Variants in FSHR observed in about 807,000 individuals in gnomAD.
The protein encoded by FSHR is follicle stimulating hormone receptor.
A neutral mutation model predicts 52.1 loss-of-function variants in FSHR; 46 were observed. The ratio of observed to expected loss-of-function variants is 0.88; its 90% CI spans 0.70 to 1.13. The LOEUF is 1.13. Ranked by LOEUF, FSHR falls within the 50% of genes most tolerant of loss-of-function variation. The pLI is 0.00. For synonymous variants in FSHR, 399 were observed against 309.6 expected (o/e 1.29, Z -3.03); for missense variants, 964 against 834.6 (o/e 1.16, Z -1.91).
intron 3 of FSHR, 106 bp downstream of exon 3, chr2:49,019,980 A>G: frequency 1.1e-6 from 1 of 932,546 alleles, no homozygotes; most frequent in Non-Finnish European, 1.8e-6. Context: ...ATGACAATCT[A>G]GGGATCTGAG....
At chr2:49,050,235 A>C (rs1668805004) in intron 2 of FSHR, among the ~76,000 whole-genome samples, 1 of 152,180 alleles carries the variant, frequency 6.6e-6, no homozygotes, top group Non-Finnish European at 1.5e-5. Flanking sequence ...GGCTAAGTTA[A>C]TTTGCAACTT....
intron 1 of FSHR, among the ~76,000 whole-genome samples, chr2:49,130,911 G>A (rs1214850173): frequency 6.6e-6 from 1 of 152,120 alleles, no homozygotes. Context: ...TCAAACTACA[G>A]CAAAATAAAC....
At chr2:49,143,551 T>C (rs1039876299) in intron 1 of FSHR, among the ~76,000 whole-genome samples, 1 of 152,016 alleles carries the variant, frequency 6.6e-6, no homozygotes, top group African/African-American at 2.4e-5. Context: ...TGGGTAGAAA[T>C]GGCATATTAA....
At chr2:49,011,379 A>G (rs1035363546) in intron 4 of FSHR, among the ~76,000 whole-genome samples, 4 of 151,890 alleles carry the variant, frequency 2.6e-5, no homozygotes, top group Non-Finnish European at 5.9e-5. Flanking sequence ...TTTGATTGCA[A>G]TGTGGTCTGA....
At chr2:49,089,677 A>T (rs1458217344) in intron 1 of FSHR, among the ~76,000 whole-genome samples, 5 of 152,236 alleles carry the variant, frequency 3.3e-5, no homozygotes, top group African/African-American at 1.2e-4. Context: ...ATTTCTGGAA[A>T]ACAGTGATAT....
At chr2:48,976,916 T>G (rs1675015715) in intron 8 of FSHR, among the ~76,000 whole-genome samples, 1 of 152,130 alleles carries the variant, frequency 6.6e-6, no homozygotes, top group Non-Finnish European at 1.5e-5. Context: ...TATTTTGTTA[T>G]TCTCTTCCAA....
Position 49,110,153 on chromosome 2 carries a change from A to C in FSHR, c.153-41863T>G, listed in dbSNP as rs9309158. Among the ~76,000 whole-genome samples, 843 of 152,290 alleles carry C rather than the reference A, an allele frequency of 5.5e-3. 11 individuals carry two copies. Among genetic ancestry groups the C allele is most frequent in the African/African-American group, 0.019 (808 of 41,576 alleles). On this transcript the variant is annotated intron_variant, in intron 1 of 9. Transcript: ENST00000406846. ...TGTCATTACCCAGTGACAACAGCCA[A>C]CATTAACATGGTGCTTCCTATATGC...
chr2:49,142,671 G>GAT lies in FSHR; in HGVS notation c.152+11594_152+11595insAT, dbSNP rs1226717244. On this transcript the variant is annotated intron_variant, in intron 1 of 9. Transcript: ENST00000406846. The stretch of plus-strand genomic sequence containing the variant: ...TGAAATGCCTCTAGCTGCTGCATAG[G>GAT]GGATAGACTGTTAATTCAAGTGAAA... Among the ~76,000 whole-genome samples the GAT allele has an allele frequency of 5.9e-5, 9 of 152,162 alleles. 1 individual carries two copies. In the South Asian group the frequency reaches 1.7e-3, roughly 28 times the overall value.
chr2:49,057,713 T>C (rs1347775562), intron 2 of FSHR, among the ~76,000 whole-genome samples: 2 of 151,892 alleles, frequency 1.3e-5, no homozygotes, highest in African/African-American at 4.8e-5. Context: ...GACAAGGACA[T>C]AGCAAAAAAA....
intron 8 of FSHR, among the ~76,000 whole-genome samples, chr2:48,980,066 G>A (rs968690310): frequency 6.6e-6 from 1 of 152,212 alleles, no homozygotes; most frequent in Non-Finnish European, 1.5e-5. Context: ...TGCATCTCAG[G>A]TCAGCAGGGG....
chr2:49,032,554 A>G (rs544763019), intron 2 of FSHR, among the ~76,000 whole-genome samples: 7 of 152,242 alleles, frequency 4.6e-5, no homozygotes, highest in Non-Finnish European at 1.0e-4. Context: ...CATAGTGACA[A>G]GAGAGACTGA....
At chr2:49,050,281 G>C (rs1309685541) in intron 2 of FSHR, among the ~76,000 whole-genome samples, 4 of 152,086 alleles carry the variant, frequency 2.6e-5, no homozygotes, top group Non-Finnish European at 5.9e-5. Flanking sequence ...TTGTACTAAA[G>C]CTACTCTTAG....
intron 6 of FSHR, 21 bp downstream of exon 6, chr2:48,988,956 G>C (rs760644625): frequency 9.4e-6 from 15 of 1,598,188 alleles, no homozygotes; most frequent in Admixed American, 1.7e-5. Context: ...TACTCTGTTG[G>C]ATTTTTTCCC....
At chr2:49,110,863 T>C (rs940460497) in intron 1 of FSHR, among the ~76,000 whole-genome samples, 2 of 152,064 alleles carry the variant, frequency 1.3e-5, no homozygotes, top group African/African-American at 4.8e-5. Context: ...CAAATAGAGA[T>C]TTTTTTGGAA....
In FSHR at chr2:49,071,524, A is replaced by G. The variant is rs537725826; in HGVS notation, c.153-3234T>C. Among the ~76,000 whole-genome samples the G allele has an allele frequency of 3.3e-5, 5 of 152,320 alleles. No individual in the cohort carries two copies. In the South Asian group the frequency reaches 8.3e-4, roughly 25 times the overall value. ...AGAAAAAGAATATCTTTAAAGGATA[A>G]GAAAATTTAATCCAGGAGGAAGGCA... On this transcript the variant is annotated intron_variant, in intron 1 of 9. Coordinates refer to ENST00000406846, the MANE Select transcript of FSHR (RefSeq NM_000145.4).
intron 1 of FSHR, among the ~76,000 whole-genome samples, chr2:49,141,541 C>G (rs1006429551): frequency 2.6e-5 from 4 of 152,042 alleles, no homozygotes; most frequent in African/African-American, 9.7e-5. Context: ...CATGAAGGAT[C>G]CACCCCAATG....
chr2:49,002,547 A>G (rs1291498856), intron 4 of FSHR, among the ~76,000 whole-genome samples: 1 of 152,080 alleles, frequency 6.6e-6, no homozygotes, highest in African/African-American at 2.4e-5. Context: ...CCTTCTTCAC[A>G]TGGTGGCAGC....
At chr2:49,115,638 C>A (rs1470266343) in intron 1 of FSHR, among the ~76,000 whole-genome samples, 1 of 152,092 alleles carries the variant, frequency 6.6e-6, no homozygotes, top group East Asian at 1.9e-4. Flanking sequence ...AGACAGTCTT[C>A]TTAAATCATG....
rs189349886 is a variant in FSHR, at chr2:49,053,318, C to T, written c.224+14901G>A. Reference sequence around the variant, plus strand: ...AGATATTTTGTTATAAACTAGCTTTCCCCCCACCTCCAGTGTTATAATAAC... The same window carrying T: ...AGATATTTTGTTATAAACTAGCTTTTCCCCCACCTCCAGTGTTATAATAAC... On this transcript the variant is annotated intron_variant, in intron 2 of 9. Coordinates refer to ENST00000406846, the MANE Select transcript of FSHR (RefSeq NM_000145.4). 4.2e-3 allele frequency among the ~76,000 whole-genome samples: 639 copies of T among 152,178 alleles called. 8 individuals carry two copies. Among genetic ancestry groups the T allele is most frequent in the African/African-American group, 0.014 (591 of 41,518 alleles).
Sources: gnomAD v4.1 joint callset for allele counts (sites outside exome capture counted in the v4.1 genomes callset) on GRCh38, gnomAD v4.1.1 for gene constraint, MANE v1.5 for transcripts, NCBI Gene and HGNC (gene_info 2026-07-23, HGNC 2026-07-21) for gene names.